Variants in AKR7A2 observed in about 807,000 individuals in gnomAD.
The protein encoded by AKR7A2 is aldo-keto reductase family 7 member A2.
A neutral mutation model predicts 37.3 loss-of-function variants in AKR7A2; 29 were observed. That is an observed-to-expected ratio of 0.78 (90% CI 0.58 to 1.06). The LOEUF (loss-of-function observed/expected upper bound fraction) is 1.06, where lower values mean the gene tolerates loss of function less well. Among genes scored for constraint, AKR7A2 ranks in the 50% least tolerant of loss-of-function variants. The pLI is 0.00. For synonymous variants in AKR7A2, 228 were observed against 217.8 expected, an observed-to-expected ratio of 1.05 and a Z score of -0.41; for missense variants, 529 against 497.9, an observed-to-expected ratio of 1.06 and a Z score of -0.59.
At chr1:19,311,289 T>A (rs552932816) in intron 1 of AKR7A2, among the ~76,000 whole-genome samples, 1 of 152,218 alleles carries the variant, frequency 6.6e-6, no homozygotes, top group South Asian at 2.1e-4. Context: ...ATAGAGTGGA[T>A]AGAAAGTCCC....
intron 2 of AKR7A2, 95 bp from the exon 3 acceptor site, chr1:19,308,357 C>A: frequency 6.3e-7 from 1 of 1,595,320 alleles, no homozygotes; most frequent in Non-Finnish European, 8.6e-7. Flanking sequence ...ATTCCCTGCC[C>A]CACCCTGGGA....
intron 6 of AKR7A2, 82 bp from the exon 7 acceptor site, chr1:19,304,468 G>A: frequency 6.2e-7 from 1 of 1,609,034 alleles, no homozygotes; most frequent in Non-Finnish European, 8.5e-7. Context: ...CCTCCCTGCT[G>A]AGATCTGGGG....
rs773829068 is a variant in AKR7A2 at position 19,305,902 on chromosome 1, T to C, written c.918+116A>G. The C allele has an allele frequency of 2.7e-5, 42 of 1,558,380 alleles. No individual in the cohort carries two copies. In the Middle Eastern group the frequency reaches 1.6e-3, roughly 59 times the overall value. On this transcript the variant is annotated intron_variant, in intron 6 of 6. Transcript: ENST00000235835. Reference sequence around the variant, plus strand: ...CCAGTGGGAAGAGTGCTTATGAGAATTGGAAGAAAGAAAAATTTCAGAGGA... The same window carrying C: ...CCAGTGGGAAGAGTGCTTATGAGAACTGGAAGAAAGAAAAATTTCAGAGGA...
Position 19,306,115 on chromosome 1 carries a change from G to A in AKR7A2, c.821C>T (p.Ala274Val), listed in dbSNP as rs964449864. 15 of 1,614,184 alleles carry A rather than the reference G, an allele frequency of 9.3e-6. No homozygotes were observed. Among genetic ancestry groups the A allele is most frequent in the Middle Eastern group, 1.7e-4 (1 of 6,060 alleles). The change falls in exon 6 of 7, where the codon GCG becomes GTG. Residue 274 changes from alanine (A) to valine (V), a missense_variant. Transcript: ENST00000235835. ...FWKEHHFEAI[A>V]LVEKALQAAY... The stretch of plus-strand genomic sequence containing the variant: ...GGCCTGCAGGGCCTTCTCCACCAAC[G>A]CAATGGCCTCGAAGTGGTGCTCCTT...
intron 1 of AKR7A2, among the ~76,000 whole-genome samples, chr1:19,309,408 C>T (rs903002651): frequency 3.3e-5 from 5 of 152,184 alleles, no homozygotes; most frequent in Non-Finnish European, 7.3e-5. Flanking sequence ...AGCGAAGCAG[C>T]CACATAAATG....
rs766679776 is a variant in AKR7A2 at position 19,311,991 on chromosome 1, A to G, written c.134T>C (p.Met45Thr). ...PPRVASVLGT[M>T]EMGRRMDAPA... ...CGCGTCCATGCGGCGCCCCATCTCC[A>G]TGGTGCCCAGCACCGAGGCGACCCG... The change falls in exon 1 of 7, where the codon ATG (methionine) becomes ACG (threonine). Residue 45 changes from methionine to threonine, a missense_variant. Met to Thr is a moderately conservative substitution (Grantham distance 81, BLOSUM62 -1). Transcript: ENST00000235835. 6.5e-7 allele frequency: 1 copy of G among 1,549,662 alleles called. No homozygotes were observed. Among genetic ancestry groups the G allele is most frequent in the Admixed American group, 1.9e-5 (1 of 51,356 alleles).
chr1:19,307,044 C>A lies in AKR7A2; in HGVS notation c.746G>T (p.Gly249Val). The change falls in exon 5 of 7, where the codon GGC (glycine) becomes GTC (valine). Residue 249 changes from glycine to valine, a missense_variant. By Grantham distance (109) the Gly-to-Val change is moderately radical (BLOSUM62 -3). Coordinates refer to ENST00000235835, the MANE Select transcript of AKR7A2 (RefSeq NM_003689.4). ...YEDKDGKQPVGRFFGNSWAET... is the reference protein window; with the variant it reads ...YEDKDGKQPVVRFFGNSWAET... ...AGCCCAGCTATTCCCAAAGAAGCGG[C>A]CCACAGGCTGTTTCCCGTCCTTGTC... 3 of 1,614,230 alleles carry A rather than the reference C, an allele frequency of 1.9e-6. No homozygotes were observed. The highest frequency in any genetic ancestry group is 2.5e-6 in the Non-Finnish European group (3 of 1,180,032).
rs1384766126 is a variant in AKR7A2 at position 19,308,315 on chromosome 1, G to A, written c.487-53C>T. 7 of 1,612,206 alleles carry A rather than the reference G, an allele frequency of 4.3e-6. No homozygotes were observed. The South Asian group carries it at 6.6e-5, about 15-fold the overall frequency. On this transcript the variant is annotated intron_variant, in intron 2 of 6. Transcript: ENST00000235835. ...GCAGTGTAGCCCAGACCAGGAAGGG[G>A]AGGCCAGGGTGGGGCCCCAGGGAAT... is the stretch of plus-strand genomic sequence containing the variant.
rs548103097 is a variant in AKR7A2 at position 19,312,096 on chromosome 1, G to GAGACTACGCGAGACGCGGC, written c.10_28dup (p.Ser10CysfsTer114). On this transcript the variant is annotated frameshift_variant, in exon 1 of 7. Coordinates refer to ENST00000235835, the MANE Select transcript of AKR7A2 (RefSeq NM_003689.4). LOFTEE classifies it high-confidence loss of function. The stretch of plus-strand genomic sequence containing the variant: ...AAGCGCGCAGTGGACGGCGGCGCGG[G>GAGACTACGCGAGACGCGGC]AGACTACGCGAGACGCGGCACTCAG... The GAGACTACGCGAGACGCGGC allele has an allele frequency of 1.3e-3, 1,682 of 1,329,992 alleles. 21 individuals carry two copies. The African/African-American group carries it at 0.023, about 18-fold the overall frequency. 82.4% of individuals were successfully genotyped at this position (1,329,992 alleles called of 1,614,324 possible). A position where few individuals can be genotyped will look rare whatever the true frequency, so the allele number is the denominator to read the frequency against.
Position 19,306,098 on chromosome 1 carries a change from G to T in AKR7A2, c.838C>A (p.Leu280Met). ...GCGCTGGCGCCATATGCGGCCTGCA[G>T]GGCCTTCTCCACCAACGCAATGGCC... Reference protein sequence around the residue: ...FEAIALVEKALQAAYGASAPS... With the variant: ...FEAIALVEKAMQAAYGASAPS... Residue 280 changes from leucine (L) to methionine (M), a missense_variant, in exon 6 of 7, where the codon CTG becomes ATG. By Grantham distance (15) the Leu-to-Met change is conservative. Coordinates refer to ENST00000235835, the MANE Select transcript of AKR7A2 (RefSeq NM_003689.4). 1 of 1,614,220 alleles carries T rather than the reference G, an allele frequency of 6.2e-7. No individual in the cohort carries two copies. Among genetic ancestry groups the T allele is most frequent in the Non-Finnish European group, 8.5e-7 (1 of 1,180,014 alleles).
In AKR7A2 at chr1:19,308,088, AG is replaced by A. The variant is rs760993850; in HGVS notation, c.591+69del. The A allele has an allele frequency of 2.5e-6, 4 of 1,591,452 alleles. No homozygotes were observed. The Admixed American group carries it at 5.0e-5, about 20-fold the overall frequency. On this transcript the variant is annotated intron_variant, in intron 3 of 6. Coordinates refer to ENST00000235835, the MANE Select transcript of AKR7A2 (RefSeq NM_003689.4). ...TATGCAGACGGCACAGGGGGCAGTC[AG>A]GGGGGCAAAGAGAGCCCAGGATTAG...
chr1:19,303,981 A>G lies in AKR7A2; in HGVS notation c.*244T>C. 1.6e-6 allele frequency: 1 copy of G among 612,348 alleles called. No homozygotes were observed. Among genetic ancestry groups the G allele is most frequent in the Non-Finnish European group, 2.9e-6 (1 of 350,652 alleles). 37.9% of individuals were successfully genotyped at this position (612,348 alleles called of 1,614,324 possible). On this transcript the variant is annotated 3_prime_UTR_variant, in exon 7 of 7. Transcript: ENST00000235835. ...GAAAGCAAGTTTTTGGGGTTCACTCAAGACCTAGGCTACAGCCAGGTCAAG... is the reference window on the plus strand; with the variant it reads ...GAAAGCAAGTTTTTGGGGTTCACTCGAGACCTAGGCTACAGCCAGGTCAAG...
chr1:19,304,168 T>C lies in AKR7A2; in HGVS notation c.*57A>G, dbSNP rs2093756885. ...TCAGCTTAAGGCCAAGACTGGTCAG[T>C]GTGAGAGAACAAAAGAGGTGACAGA... On this transcript the variant is annotated 3_prime_UTR_variant, in exon 7 of 7. Transcript: ENST00000235835. The C allele has an allele frequency of 1.1e-5, 18 of 1,613,558 alleles. No individual in the cohort carries two copies. Among genetic ancestry groups the C allele is most frequent in the South Asian group, 2.2e-5 (2 of 91,074 alleles).
chr1:19,310,349 C>G (rs776600223), intron 1 of AKR7A2, among the ~76,000 whole-genome samples: 15 of 152,022 alleles, frequency 9.9e-5, no homozygotes, highest in African/African-American at 3.1e-4. Context: ...AAGACGGAAG[C>G]GGGGAAGGGT....
chr1:19,307,687 T>G (rs2093764248), intron 3 of AKR7A2: 1 of 554,626 alleles, frequency 1.8e-6, no homozygotes, highest in Admixed American at 3.1e-5. Context: ...CAGGAGATGT[T>G]TACTCAAGTT....
At position 19,308,509 on chromosome 1, in the gene AKR7A2, G is replaced by C; in HGVS notation, c.432C>G (p.Asp144Glu). The C allele has an allele frequency of 6.2e-7, 1 of 1,614,216 alleles. No individual in the cohort carries two copies. Among genetic ancestry groups the C allele is most frequent in the East Asian group, 2.2e-5 (1 of 44,874 alleles). Residue 144 changes from aspartate to glutamate, a missense_variant, in exon 2 of 7, where the codon GAC (aspartate) becomes GAG (glutamate). Asp to Glu is a conservative substitution (Grantham distance 45, BLOSUM62 2). Coordinates refer to ENST00000235835, the MANE Select transcript of AKR7A2 (RefSeq NM_003689.4). ...QVDLFYLHAP[D>E]HGTPVEETLH... is the part of the protein sequence containing the mutation. The stretch of plus-strand genomic sequence containing the variant: ...GCGTCTCTTCCACCGGGGTGCCGTG[G>C]TCAGGTGCGTGTAGGTAGAAGAGGT...
Position 19,304,150 on chromosome 1 carries a change from A to G in AKR7A2, c.*75T>C, listed in dbSNP as rs773019911. On this transcript the variant is annotated 3_prime_UTR_variant, in exon 7 of 7. Coordinates refer to ENST00000235835, the MANE Select transcript of AKR7A2 (RefSeq NM_003689.4). ...CAGAAAAACCCTTCTAAGTCAGCTT[A>G]AGGCCAAGACTGGTCAGTGTGAGAG... 1.9e-5 allele frequency: 30 copies of G among 1,610,258 alleles called. No individual in the cohort carries two copies. Among genetic ancestry groups the G allele is most frequent in the Non-Finnish European group, 2.5e-5 (29 of 1,176,558 alleles).
chr1:19,306,952 T>C lies in AKR7A2; in HGVS notation c.788+50A>G, dbSNP rs185921220. ...GAACAGCCCAGGACTTCATTCCACA[T>C]AGATTTGACCCCACCCCAGCCATCC... On this transcript the variant is annotated intron_variant, in intron 5 of 6. Coordinates refer to ENST00000235835, the MANE Select transcript of AKR7A2 (RefSeq NM_003689.4). The C allele has an allele frequency of 1.6e-4, 247 of 1,530,412 alleles. No homozygotes were observed. The African/African-American group carries it at 2.7e-3, about 17-fold the overall frequency. 94.8% of individuals were successfully genotyped at this position (1,530,412 alleles called of 1,614,324 possible).
At chr1:19,310,468 T>A (rs955814971) in intron 1 of AKR7A2, among the ~76,000 whole-genome samples, 1 of 151,958 alleles carries the variant, frequency 6.6e-6, no homozygotes, top group Non-Finnish European at 1.5e-5. Flanking sequence ...GAGGCTGAGG[T>A]GGGCAGATCA....
Sources: gnomAD v4.1 joint callset for allele counts (sites outside exome capture counted in the v4.1 genomes callset) on GRCh38, gnomAD v4.1.1 for gene constraint, MANE v1.5 for transcripts, NCBI Gene and HGNC (gene_info 2026-07-23, HGNC 2026-07-21) for gene names.